Variants in PARG observed in about 807,000 individuals in gnomAD.
PARG encodes poly(ADP-ribose) glycohydrolase, also known as mitochondrial poly(ADP-ribose) glycohydrolase.
PARG carries 35 observed loss-of-function variants against 113.0 expected under a neutral mutation model. The observed-to-expected ratio is 0.31, with a 90% confidence interval of 0.24 to 0.41. The LOEUF is 0.41. PARG is among the 10% of genes least tolerant of loss of function. The pLI is 1.00. For synonymous variants in PARG, 330 were observed against 409.9 expected (o/e 0.81, Z 2.36); for missense variants, 797 against 1,169.4 (o/e 0.68, Z 4.64).
At chr10:49,904,779 G>C (rs1554844463) in intron 7 of PARG, among the ~76,000 whole-genome samples, 1 of 152,122 alleles carries the variant, frequency 6.6e-6, no homozygotes, top group Non-Finnish European at 1.5e-5. Flanking sequence ...AGCCAGGCAA[G>C]GTGGTGCGTG....
chr10:49,923,832 C>G (rs1401837708), intron 4 of PARG, among the ~76,000 whole-genome samples: 10 of 152,036 alleles, frequency 6.6e-5, no homozygotes, highest in African/African-American at 2.4e-4. Flanking sequence ...AAGAATACCT[C>G]AAGCAAGCAT....
chr10:49,922,251 C>T, intron 6 of PARG, 85 bp downstream of exon 6: 1 of 1,389,736 alleles, frequency 7.2e-7, no homozygotes, highest in Non-Finnish European at 9.9e-7. Flanking sequence ...AACAATGTTG[C>T]TACCTGAGTC....
At chr10:49,870,857 TTA>T (rs1158832438) in intron 9 of PARG, among the ~76,000 whole-genome samples, 4 of 79,720 alleles carry the variant, frequency 5.0e-5, no homozygotes, top group African/African-American at 1.9e-4. Flanking sequence ...AACAGCAAGC[TTA>T]TGTAACTACG....
At chr10:49,822,194 G>C (rs1165253897) in intron 16 of PARG, among the ~76,000 whole-genome samples, 5 of 152,094 alleles carry the variant, frequency 3.3e-5, no homozygotes, top group Non-Finnish European at 5.9e-5. Context: ...AGGCATTGGT[G>C]TATACTCATG....
intron 6 of PARG, among the ~76,000 whole-genome samples, chr10:49,918,440 T>C (rs1177555108): frequency 6.6e-6 from 1 of 152,214 alleles, no homozygotes; most frequent in African/African-American, 2.4e-5. Context: ...CACCATGAGA[T>C]TGCTTGTCAT....
intron 7 of PARG, among the ~76,000 whole-genome samples, chr10:49,910,101 C>T (rs1374392330): frequency 1.2e-4 from 19 of 152,106 alleles, no homozygotes; most frequent in South Asian, 1.2e-3. Context: ...TATGATGTCC[C>T]ATTTACCTTT....
intron 9 of PARG, among the ~76,000 whole-genome samples, chr10:49,869,906 A>T (rs549499455): frequency 6.6e-6 from 1 of 152,280 alleles, no homozygotes; most frequent in South Asian, 2.1e-4. Flanking sequence ...AACATTTATA[A>T]TTCATAATGT....
At chr10:49,882,589 T>C (rs1259719033) in intron 8 of PARG, among the ~76,000 whole-genome samples, 1 of 152,192 alleles carries the variant, frequency 6.6e-6, no homozygotes, top group Non-Finnish European at 1.5e-5. Flanking sequence ...GGACTTGTTA[T>C]AGCTTACAAA....
intron 7 of PARG, among the ~76,000 whole-genome samples, chr10:49,903,232 C>T (rs797041026): frequency 2.0e-4 from 30 of 152,006 alleles, no homozygotes; most frequent in African/African-American, 6.0e-4. Flanking sequence ...TTTGAGGTTG[C>T]GATGCACTGC....
chr10:49,922,450 G>C, intron 5 of PARG, 31 bp from the exon 6 acceptor site: 1 of 1,609,636 alleles, frequency 6.2e-7, no homozygotes, highest in Non-Finnish European at 8.5e-7. Flanking sequence ...ATATGAGGAA[G>C]CTATTCTAAG....
chr10:49,880,810 T>C (rs1435786682), intron 8 of PARG, among the ~76,000 whole-genome samples: 1 of 152,156 alleles, frequency 6.6e-6, no homozygotes, highest in African/African-American at 2.4e-5. Flanking sequence ...CTTTTTATAA[T>C]AATAAGACTC....
At chr10:49,836,853 C>T (rs766396002) in intron 15 of PARG, among the ~76,000 whole-genome samples, 12 of 152,160 alleles carry the variant, frequency 7.9e-5, no homozygotes, top group Non-Finnish European at 1.5e-4. Flanking sequence ...TTGTATCTCT[C>T]CACCTTGTTC....
chr10:49,896,533 C>G (rs1421736097), intron 7 of PARG, among the ~76,000 whole-genome samples: 1 of 152,184 alleles, frequency 6.6e-6, no homozygotes, highest in Non-Finnish European at 1.5e-5. Flanking sequence ...GATCCACCCG[C>G]CTTGGCCTCC....
At chr10:49,843,758 G>A (rs782439237) in intron 13 of PARG, 126 bp from the exon 14 acceptor site, 25 of 613,716 alleles carry the variant, frequency 4.1e-5, no homozygotes, top group South Asian at 8.7e-5. Context: ...AGTGCAATAA[G>A]GCAAGAAAAT....
chr10:49,919,422 TAAC>T (rs1554848570), intron 6 of PARG, among the ~76,000 whole-genome samples: 1 of 152,196 alleles, frequency 6.6e-6, no homozygotes, highest in Non-Finnish European at 1.5e-5. Context: ...AATGGCCAAA[TAAC>T]AACACGCTGT....
rs1263088814 is a variant in PARG, at chr10:49,904,770, G to A, written c.1737+11147C>T. ...ATCTCTACTAAAAATATAAAAATTA[G>A]CCAGGCAAGGTGGTGCGTGCCTGTA... On this transcript the variant is annotated intron_variant, in intron 7 of 17. Transcript: ENST00000616448. Among the ~76,000 whole-genome samples the A allele has an allele frequency of 7.2e-5, 11 of 152,176 alleles. 1 individual carries two copies. The highest frequency in any genetic ancestry group is 7.2e-4 in the Admixed American group (11 of 15,286).
intron 7 of PARG, among the ~76,000 whole-genome samples, chr10:49,900,904 G>A (rs1280981489): frequency 3.3e-5 from 5 of 152,124 alleles, no homozygotes; most frequent in Non-Finnish European, 7.3e-5. Flanking sequence ...CATCTTTATA[G>A]ACAGGCAGTA....
intron 6 of PARG, among the ~76,000 whole-genome samples, chr10:49,917,493 AAAAAAAAAAAAAAAG>A (rs1276434981): frequency 2.0e-5 from 3 of 147,952 alleles, no homozygotes; most frequent in South Asian, 2.1e-4. Flanking sequence ...CGTCTCAAAA[AAAAAAAAAAAAAAAG>A]AAAAAAAGAA....
At chr10:49,931,928 C>A (rs1195864363) in intron 4 of PARG, among the ~76,000 whole-genome samples, 172 bp downstream of exon 4, 2 of 152,148 alleles carry the variant, frequency 1.3e-5, no homozygotes, top group African/African-American at 4.8e-5. Context: ...TTGTTAAGTT[C>A]TATACTAAGT....
Sources: gnomAD v4.1 joint callset for allele counts (sites outside exome capture counted in the v4.1 genomes callset) on GRCh38, gnomAD v4.1.1 for gene constraint, MANE v1.5 for transcripts, NCBI Gene and HGNC (gene_info 2026-07-23, HGNC 2026-07-21) for gene names.